COL10A1: variants seen among roughly 807,000 people sequenced by gnomAD.
The protein encoded by COL10A1 is collagen type X alpha 1 chain.
Under a neutral mutation model 18.2 loss-of-function variants are expected in COL10A1, and 10 were observed. The observed-to-expected ratio is 0.55, with a 90% CI of 0.34 to 0.93. COL10A1 has a LOEUF of 0.93. Among genes scored for constraint, COL10A1 ranks in the 40% least tolerant of loss-of-function variants. The pLI is 0.02. For missense variants in COL10A1, 897 were observed against 853.5 expected (o/e 1.05, Z -0.64); for synonymous variants, 330 against 316.6 (o/e 1.04, Z -0.45).
chr6:116,138,958 C>T lies in COL10A1; in HGVS notation c.-15-13451G>A, dbSNP rs1027037847. Among the ~76,000 whole-genome samples, 59 of 151,922 alleles carry T rather than the reference C, an allele frequency of 3.9e-4. 2 individuals are homozygous for T. Among genetic ancestry groups the T allele is most frequent in the Non-Finnish European group, 4.4e-5 (3 of 67,974 alleles). On this transcript the variant is annotated intron_variant, in intron 1 of 1. Coordinates refer to the COL10A1 transcript ENST00000418500. ...TATAATTGCATTATTAGTTTTGTGA[C>T]CAGTAGGATTTGTATAATTGCAGCA...
the COL10A1 span, among the ~76,000 whole-genome samples, chr6:116,188,431 G>A: frequency 6.6e-6 from 1 of 152,034 alleles, no homozygotes; most frequent in African/African-American, 2.4e-5. Flanking sequence ...TTGCTATGCA[G>A]TGTGTCATAC....
Position 116,120,264 on chromosome 6 carries a change from C to A in COL10A1, c.1852G>T (p.Gly618Cys), listed in dbSNP as rs773944965. The change falls in exon 3 of 3, where the codon GGC (glycine) becomes TGC (cysteine). Residue 618 changes from glycine (G) to cysteine (C), a missense_variant. Transcript: ENST00000651968. The part of the protein sequence containing the change: ...THVWVGLYKN[G>C]TPVMYTYDEY... The stretch of plus-strand genomic sequence containing the variant: ...TCATAGGTGTACATTACAGGGGTGC[C>A]ATTCTTATACAGGCCTACCCAAACA... 10 of 1,614,022 alleles carry A rather than the reference C, an allele frequency of 6.2e-6. No homozygotes were observed. The highest frequency in any genetic ancestry group is 8.5e-6 in the Non-Finnish European group (10 of 1,180,038).
the COL10A1 span, among the ~76,000 whole-genome samples, chr6:116,181,630 A>G: frequency 3.3e-5 from 5 of 152,128 alleles, no homozygotes; most frequent in Non-Finnish European, 5.9e-5. Context: ...AATCAGTTGT[A>G]TATCCAGATC....
chr6:116,136,609 A>G (rs1779610452), intron 1 of COL10A1, among the ~76,000 whole-genome samples: 1 of 152,174 alleles, frequency 6.6e-6, no homozygotes, highest in Non-Finnish European at 1.5e-5. Flanking sequence ...TGCTGTTATT[A>G]TTTGAGTCAA....
At chr6:116,214,425 A>G in the COL10A1 span, among the ~76,000 whole-genome samples, 2 of 152,294 alleles carry the variant, frequency 1.3e-5, no homozygotes, top group South Asian at 4.1e-4. Context: ...CTGGTTTTGC[A>G]CTTCTAGCCG....
At chr6:116,128,987 C>T (rs375139655), upstream of COL10A1, among the ~76,000 whole-genome samples, 1 of 152,278 alleles carries the variant, frequency 6.6e-6, no homozygotes, top group East Asian at 1.9e-4. Context: ...ATATGCCTGT[C>T]ATTCAAACTG....
chr6:116,178,313 A>G, the COL10A1 span, among the ~76,000 whole-genome samples: 1 of 152,178 alleles, frequency 6.6e-6, no homozygotes. Context: ...CATTGGGCGC[A>G]TTCAGGGTGG....
At chr6:116,135,836 T>G (rs1405836328) in intron 1 of COL10A1, among the ~76,000 whole-genome samples, 3 of 37,628 alleles carry the variant, frequency 8.0e-5, no homozygotes, top group African/African-American at 1.7e-4. Flanking sequence ...TATTTTCAGA[T>G]ATATATATAT....
upstream of COL10A1, among the ~76,000 whole-genome samples, chr6:116,161,398 A>G (rs1214063294): frequency 6.6e-6 from 1 of 151,982 alleles, no homozygotes; most frequent in Non-Finnish European, 1.5e-5. Flanking sequence ...TAAAAATAAA[A>G]TTATATAAAG....
At chr6:116,161,836 G>T, upstream of COL10A1, among the ~76,000 whole-genome samples, 1 of 152,154 alleles carries the variant, frequency 6.6e-6, no homozygotes, top group South Asian at 2.1e-4. Flanking sequence ...TCATTTTAAT[G>T]ACATTGATTC....
the COL10A1 span, among the ~76,000 whole-genome samples, chr6:116,182,548 A>AT: frequency 4.0e-5 from 6 of 151,094 alleles, no homozygotes; most frequent in South Asian, 4.2e-4. Flanking sequence ...GCCAACACCT[A>AT]TTTTTTTTTA....
At chr6:116,128,219 C>G (rs1158881084), upstream of COL10A1, among the ~76,000 whole-genome samples, 1 of 152,112 alleles carries the variant, frequency 6.6e-6, no homozygotes, top group Non-Finnish European at 1.5e-5. Context: ...ACATTCAACC[C>G]TTTTTGCAAA....
At chr6:116,135,845 A>ATATATATATG (rs1779579360) in intron 1 of COL10A1, among the ~76,000 whole-genome samples, 1 of 99,188 alleles carries the variant, frequency 1.0e-5, no homozygotes, top group Non-Finnish European at 1.9e-5. Context: ...ATATATATAT[A>ATATATATATG]TATATATATA....
chr6:116,184,838 GTTATA>G, the COL10A1 span, among the ~76,000 whole-genome samples: 2 of 151,842 alleles, frequency 1.3e-5, no homozygotes, highest in African/African-American at 2.4e-5. Flanking sequence ...CCAGCTTTTT[GTTATA>G]TTATGTTTTG....
chr6:116,160,271 A>G (rs905241271), upstream of COL10A1, among the ~76,000 whole-genome samples: 9 of 151,998 alleles, frequency 5.9e-5, no homozygotes, highest in African/African-American at 1.9e-4. Context: ...ATCCTCTCCA[A>G]CATCTGTTAT....
chr6:116,124,581 A>T (rs552713075), intron 2 of COL10A1, among the ~76,000 whole-genome samples: 1 of 152,348 alleles, frequency 6.6e-6, no homozygotes, highest in East Asian at 1.9e-4. Context: ...CAGAAGTAGT[A>T]GTAGAAGTAA....
At chr6:116,209,907 G>A in the COL10A1 span, among the ~76,000 whole-genome samples, 5 of 151,824 alleles carry the variant, frequency 3.3e-5, no homozygotes, top group Non-Finnish European at 7.4e-5. Context: ...ACAGATAATG[G>A]TCATCAAATA....
At chr6:116,200,100 C>G in the COL10A1 span, among the ~76,000 whole-genome samples, 172 of 152,042 alleles carry the variant, frequency 1.1e-3, 1 homozygote, top group African/African-American at 3.9e-3. Context: ...AGTATATACC[C>G]TTAATATAAC....
chr6:116,152,524 G>A (rs751077044), intron 1 of COL10A1, among the ~76,000 whole-genome samples: 1 of 152,086 alleles, frequency 6.6e-6, no homozygotes, highest in Non-Finnish European at 1.5e-5. Context: ...GGGTCTCCAG[G>A]GCAGTCTGAC....
Sources: gnomAD v4.1 joint callset for allele counts (sites outside exome capture counted in the v4.1 genomes callset) on GRCh38, gnomAD v4.1.1 for gene constraint, MANE v1.5 for transcripts, NCBI Gene and HGNC (gene_info 2026-07-23, HGNC 2026-07-21) for gene names.